Variants in NFIB observed in about 807,000 individuals in gnomAD.
NFIB encodes nuclear factor I B.
A neutral mutation model predicts 61.5 loss-of-function variants in NFIB; 11 were observed. The ratio of observed to expected loss-of-function variants is 0.18; its 90% CI spans 0.11 to 0.30. The LOEUF (loss-of-function observed/expected upper bound fraction) is 0.30. Ranked by LOEUF, NFIB falls within the 10% of genes least tolerant of loss-of-function variation. NFIB has a pLI of 1.00. For synonymous variants in NFIB, 260 were observed against 216.5 expected (o/e 1.20, Z -1.76); for missense variants, 471 against 608.9 (o/e 0.77, Z 2.38).
chr9:14,210,549 C>A (rs780811625), intron 2 of NFIB, among the ~76,000 whole-genome samples: 4 of 151,992 alleles, frequency 2.6e-5, no homozygotes, highest in Admixed American at 6.5e-5. Context: ...CACATGTGCA[C>A]ACTCACACAA....
At chr9:14,104,572 T>C (rs2036271953) in intron 10 of NFIB, among the ~76,000 whole-genome samples, 1 of 152,086 alleles carries the variant, frequency 6.6e-6, no homozygotes, top group Non-Finnish European at 1.5e-5. Flanking sequence ...GGAAGGGTTT[T>C]GTTTAATTTT....
At chr9:14,529,951 T>C in the NFIB span, among the ~76,000 whole-genome samples, 1 of 152,224 alleles carries the variant, frequency 6.6e-6, no homozygotes, top group African/African-American at 2.4e-5. Context: ...CCTACTTCTC[T>C]TGAGAAGCTG....
At chr9:14,166,282 A>C (rs1341971958) in intron 3 of NFIB, among the ~76,000 whole-genome samples, 1 of 152,150 alleles carries the variant, frequency 6.6e-6, no homozygotes, top group African/African-American at 2.4e-5. Context: ...TAGGTATTCA[A>C]GTAACATTTT....
chr9:14,221,247 C>T (rs2051633996), intron 2 of NFIB, among the ~76,000 whole-genome samples: 1 of 152,134 alleles, frequency 6.6e-6, no homozygotes, highest in Non-Finnish European at 1.5e-5. Context: ...TCCAAAGTTT[C>T]CTATTCCTTG....
intron 2 of NFIB, among the ~76,000 whole-genome samples, chr9:14,237,690 C>T (rs532815826): frequency 1.1e-4 from 17 of 151,518 alleles, no homozygotes; most frequent in African/African-American, 3.6e-4. Context: ...CATCTCTTGC[C>T]GATCTACATT....
intron 1 of NFIB, among the ~76,000 whole-genome samples, chr9:14,375,013 C>A (rs1033428507): frequency 6.6e-6 from 1 of 152,152 alleles, no homozygotes; most frequent in Non-Finnish European, 1.5e-5. Context: ...ATGAATGTCA[C>A]GTTTATTTTA....
At chr9:14,222,223 C>A (rs529183795) in intron 2 of NFIB, among the ~76,000 whole-genome samples, 1 of 152,328 alleles carries the variant, frequency 6.6e-6, no homozygotes, top group African/African-American at 2.4e-5. Context: ...CATGTAACTT[C>A]CTTTTTCAAA....
chr9:14,331,369 G>T (rs1367698605), intron 1 of NFIB, among the ~76,000 whole-genome samples: 6 of 152,108 alleles, frequency 3.9e-5, no homozygotes, highest in Admixed American at 1.3e-4. Flanking sequence ...CACAGGACTT[G>T]CCTTGGAGGC....
the NFIB span, among the ~76,000 whole-genome samples, chr9:14,523,022 A>G: frequency 6.6e-6 from 1 of 152,178 alleles, no homozygotes; most frequent in Admixed American, 6.5e-5. Context: ...TCTGAAAATA[A>G]GCATGAGAGA....
the NFIB span, among the ~76,000 whole-genome samples, chr9:14,479,324 A>G: frequency 6.6e-6 from 1 of 152,206 alleles, no homozygotes; most frequent in South Asian, 2.1e-4. Flanking sequence ...AAACACCCTC[A>G]TGGTACTGAA....
At chr9:14,420,841 G>A in the NFIB span, among the ~76,000 whole-genome samples, 2 of 152,104 alleles carry the variant, frequency 1.3e-5, no homozygotes, top group Non-Finnish European at 2.9e-5. Flanking sequence ...AATCAGGAGG[G>A]AACCTCTTGT....
the NFIB span, among the ~76,000 whole-genome samples, chr9:14,480,491 C>T: frequency 6.6e-6 from 1 of 152,178 alleles, no homozygotes; most frequent in South Asian, 2.1e-4. Context: ...GAAGGACAGT[C>T]CATTATGTGT....
At chr9:14,215,235 C>G (rs1440730433) in intron 2 of NFIB, among the ~76,000 whole-genome samples, 1 of 150,594 alleles carries the variant, frequency 6.6e-6, no homozygotes, top group Non-Finnish European at 1.5e-5. Flanking sequence ...CATAGACTGT[C>G]CAGCATATTG....
At position 14,387,716 on chromosome 9, in the gene NFIB, T is replaced by C. The variant is rs116950833; in HGVS notation, c.108+10808A>G. Among the ~76,000 whole-genome samples the C allele has an allele frequency of 1.4e-4, 22 of 152,356 alleles. No individual in the cohort carries two copies. The East Asian group carries it at 3.7e-3, about 25-fold the overall frequency. Reference sequence around the variant, plus strand: ...CTGACAAGGTAGGCATGGGGATTGGTACAATAATTCTTAGAATATTTTAGC... The same window carrying C: ...CTGACAAGGTAGGCATGGGGATTGGCACAATAATTCTTAGAATATTTTAGC... On this transcript the variant is annotated intron_variant, in intron 1 of 8. Transcript: ENST00000380934.
chr9:14,239,330 G>T (rs1332181597), intron 2 of NFIB, among the ~76,000 whole-genome samples: 1 of 152,082 alleles, frequency 6.6e-6, no homozygotes. Context: ...GGTGTAGAGA[G>T]GAAAAGAGGA....
chr9:14,419,257 G>C, the NFIB span, among the ~76,000 whole-genome samples: 1 of 138,724 alleles, frequency 7.2e-6, no homozygotes, highest in Non-Finnish European at 1.5e-5. Flanking sequence ...TAGGGGAACT[G>C]TAAAATATTT....
the NFIB span, among the ~76,000 whole-genome samples, chr9:14,479,747 AG>A: frequency 6.6e-6 from 1 of 152,252 alleles, no homozygotes; most frequent in African/African-American, 2.4e-5. Context: ...ACACATATTA[AG>A]GCAGTCTGTA....
chr9:14,160,790 T>C (rs1325825358), intron 3 of NFIB, among the ~76,000 whole-genome samples: 1 of 116,308 alleles, frequency 8.6e-6, no homozygotes, highest in African/African-American at 3.3e-5. Flanking sequence ...CTATAAAGAC[T>C]CCCACTGGAT....
the NFIB span, among the ~76,000 whole-genome samples, chr9:14,452,512 G>GAAAGGAAAGGAAAGGAA: frequency 6.7e-6 from 1 of 149,200 alleles, no homozygotes; most frequent in Non-Finnish European, 1.5e-5. Flanking sequence ...GAAAGGAAAG[G>GAAAGGAAAGGAAAGGAA]AGGAAGGAAG....
Sources: allele counts gnomAD v4.1 joint callset (sites outside exome capture counted in the v4.1 genomes callset), GRCh38; gene constraint gnomAD v4.1.1; transcripts MANE v1.5; gene names NCBI Gene and HGNC (gene_info 2026-07-23, HGNC 2026-07-21).